PRXL2A: variants seen among roughly 807,000 people sequenced by gnomAD.
PRXL2A encodes peroxiredoxin like 2A, also known as peroxiredoxin-like 2A.
A neutral mutation model predicts 25.6 loss-of-function variants in PRXL2A; 26 were observed. The ratio of observed to expected loss-of-function variants is 1.02; its 90% confidence interval spans 0.74 to 1.41. The LOEUF is 1.41. Among genes scored for constraint, PRXL2A ranks in the 40% most tolerant of loss-of-function variants. The probability of loss-of-function intolerance (pLI) is 0.00; values close to 1 mark genes in which losing one functional copy is unlikely to be tolerated. For synonymous variants in PRXL2A, 98 were observed against 102.9 expected (o/e 0.95, Z 0.29); for missense variants, 246 against 273.9 (o/e 0.90, Z 0.72).
upstream of PRXL2A, among the ~76,000 whole-genome samples, chr10:80,408,216 G>T (rs917033466): frequency 6.6e-6 from 1 of 151,852 alleles, no homozygotes; most frequent in African/African-American, 2.4e-5. Context: ...AAACCAGGCT[G>T]AAGATTGGAA....
chr10:80,422,229 C>A (rs1844889585), intron 2 of PRXL2A, among the ~76,000 whole-genome samples, 188 bp from the exon 3 acceptor site: 1 of 152,174 alleles, frequency 6.6e-6, no homozygotes, highest in African/African-American at 2.4e-5. Flanking sequence ...GGTTAACTTT[C>A]TTCAGGAAGG....
Position 80,432,629 on chromosome 10 carries a change from T to G in PRXL2A, c.*530T>G, listed in dbSNP as rs1317360556. On this transcript the variant is annotated 3_prime_UTR_variant, in exon 6 of 6. Coordinates refer to ENST00000606162, the MANE Select transcript of PRXL2A (RefSeq NM_032333.5). ...GTATTCCAGCCTGGGTGACTGAGAC[T>G]CTAACTAAAAAAAAAAAAAAAAAAA... 9.6e-6 allele frequency: 1 copy of G among 104,550 alleles called. No homozygotes were observed. Among genetic ancestry groups the G allele is most frequent in the Admixed American group, 1.1e-4 (1 of 8,886 alleles). 6.5% of individuals were successfully genotyped at this position (104,550 alleles called of 1,614,324 possible).
intron 1 of PRXL2A, chr10:80,420,215 T>C: frequency 3.5e-6 from 4 of 1,151,240 alleles, no homozygotes; most frequent in Non-Finnish European, 4.3e-6. Context: ...AAGGCTGTCC[T>C]TTCTCTGTCA....
chr10:80,432,369 A>G lies in PRXL2A; in HGVS notation c.*270A>G, dbSNP rs1063161. 0.11 allele frequency: 37,104 copies of G among 350,254 alleles called. 2,994 individuals carry two copies. Among genetic ancestry groups the G allele is most frequent in the African/African-American group, 0.28 (13,027 of 46,076 alleles). The allele number at this position is 350,254 out of a possible 1,614,324, so 21.7% of individuals were successfully genotyped here. A position where few individuals can be genotyped will look rare whatever the true frequency, so the allele number is the denominator to read the frequency against. The stretch of plus-strand genomic sequence containing the variant: ...TAAAATTGACTGCCAGGCTGGGTGC[A>G]GTGGCTCACACCTGTAATCCCAGCA... On this transcript the variant is annotated 3_prime_UTR_variant, in exon 6 of 6. Transcript: ENST00000606162.
chr10:80,409,422 A>G (rs538100041), intron 1 of PRXL2A, among the ~76,000 whole-genome samples: 70 of 152,322 alleles, frequency 4.6e-4, no homozygotes, highest in African/African-American at 1.3e-3. Flanking sequence ...CGGGGTTCCC[A>G]GCTGCTCCTG....
At chr10:80,417,498 C>T (rs1844702700) in intron 1 of PRXL2A, among the ~76,000 whole-genome samples, 1 of 152,126 alleles carries the variant, frequency 6.6e-6, no homozygotes, top group African/African-American at 2.4e-5. Context: ...GTCTTATTTA[C>T]AGGAGAAGCA....
chr10:80,436,229 C>G lies in PRXL2A; in HGVS notation c.*4130C>G, dbSNP rs1845399289. On this transcript the variant is annotated 3_prime_UTR_variant, in exon 6 of 6. Coordinates refer to ENST00000606162, the MANE Select transcript of PRXL2A (RefSeq NM_032333.5). ...CTGGGCTCAAGTGATATCCTCCCACCTCAGCCTCCCTAGTAGCTGGGACTA... is the reference window on the plus strand; with the variant it reads ...CTGGGCTCAAGTGATATCCTCCCACGTCAGCCTCCCTAGTAGCTGGGACTA... The G allele has an allele frequency of 6.6e-6, 1 of 152,048 alleles. No homozygotes were observed. Among genetic ancestry groups the G allele is most frequent in the African/African-American group, 2.4e-5 (1 of 41,368 alleles). 9.4% of individuals were successfully genotyped at this position (152,048 alleles called of 1,614,324 possible).
At chr10:80,427,568 G>C in intron 5 of PRXL2A, 72 bp downstream of exon 5, 1 of 1,523,740 alleles carries the variant, frequency 6.6e-7, no homozygotes, top group Non-Finnish European at 9.0e-7. Context: ...ACCAGAAGCT[G>C]GAGTGGGGGT....
At chr10:80,409,990 T>G (rs1844422873) in intron 1 of PRXL2A, among the ~76,000 whole-genome samples, 1 of 152,220 alleles carries the variant, frequency 6.6e-6, no homozygotes, top group Non-Finnish European at 1.5e-5. Flanking sequence ...AGCATGTCAT[T>G]TAGTTGAGAC....
At chr10:80,415,212 A>T (rs748275729) in intron 1 of PRXL2A, among the ~76,000 whole-genome samples, 9 of 152,206 alleles carry the variant, frequency 5.9e-5, no homozygotes, top group Admixed American at 2.0e-4. Context: ...CACTCTCAGC[A>T]TGGTGCTGCA....
Position 80,435,603 on chromosome 10 carries a change from A to C in PRXL2A, c.*3504A>C, listed in dbSNP as rs902051436. On this transcript the variant is annotated 3_prime_UTR_variant, in exon 6 of 6. Coordinates refer to ENST00000606162, the MANE Select transcript of PRXL2A (RefSeq NM_032333.5). ...CAAGCTGTTCTGGCTCAGCCTACCA[A>C]GTTACTGGGCTTACAGGTGGATGCC... 1.3e-5 allele frequency: 2 copies of C among 151,890 alleles called. No homozygotes were observed. Among genetic ancestry groups the C allele is most frequent in the Admixed American group, 6.6e-5 (1 of 15,262 alleles). The allele number at this position is 151,890 out of a possible 1,614,324, so 9.4% of individuals were successfully genotyped here.
At position 80,434,427 on chromosome 10, in the gene PRXL2A, T is replaced by C. The variant is rs573752965; in HGVS notation, c.*2328T>C. 1.3e-5 allele frequency: 2 copies of C among 152,146 alleles called. No homozygotes were observed. Among genetic ancestry groups the C allele is most frequent in the Non-Finnish European group, 2.9e-5 (2 of 68,024 alleles). The allele number at this position is 152,146 out of a possible 1,614,324, so 9.4% of individuals were successfully genotyped here. ...TAAGTCACTGAGGGAATGATAAATA[T>C]TATGACACTGCTTCTCAGACTGTAA... On this transcript the variant is annotated 3_prime_UTR_variant, in exon 6 of 6. Transcript: ENST00000606162.
chr10:80,424,183 G>A (rs1844956170), intron 3 of PRXL2A, among the ~76,000 whole-genome samples: 1 of 152,066 alleles, frequency 6.6e-6, no homozygotes, highest in Non-Finnish European at 1.5e-5. Flanking sequence ...GTTATTTTGA[G>A]TGGCCCAACT....
chr10:80,420,355 C>A (rs1052906333), intron 1 of PRXL2A, 111 bp from the exon 2 acceptor site: 1 of 1,487,500 alleles, frequency 6.7e-7, no homozygotes, highest in Non-Finnish European at 8.9e-7. Flanking sequence ...CTGCTCCCTT[C>A]CCCTGTCCTG....
At chr10:80,424,569 CT>C (rs890236010) in intron 3 of PRXL2A, among the ~76,000 whole-genome samples, 2 of 128,280 alleles carry the variant, frequency 1.6e-5, no homozygotes, top group Admixed American at 8.2e-5. Context: ...CAGGGCAAGA[CT>C]CAAAAAAAAA....
intron 5 of PRXL2A, among the ~76,000 whole-genome samples, chr10:80,428,073 G>A (rs912073511): frequency 7.2e-5 from 11 of 152,196 alleles, no homozygotes; most frequent in Non-Finnish European, 1.2e-4. Context: ...AGGAGGTTGC[G>A]GGGAGACGAT....
intron 2 of PRXL2A, among the ~76,000 whole-genome samples, chr10:80,421,723 C>T (rs1232726458): frequency 6.6e-6 from 1 of 151,896 alleles, no homozygotes; most frequent in Non-Finnish European, 1.5e-5. Flanking sequence ...ATTAAGGGCT[C>T]ATATTTATTG....
rs1278568774 is a variant in PRXL2A at position 80,425,853 on chromosome 10, G to A, written c.271-13G>A. The A allele has an allele frequency of 2.5e-6, 4 of 1,614,082 alleles. No individual in the cohort carries two copies. Among genetic ancestry groups the A allele is most frequent in the Non-Finnish European group, 3.4e-6 (4 of 1,180,042 alleles). ...CTGGGACAGATGTCCCTGAACCCTTGTGTCTTCTACAGGAAGCTGCGGATC... is the reference window on the plus strand; with the variant it reads ...CTGGGACAGATGTCCCTGAACCCTTATGTCTTCTACAGGAAGCTGCGGATC... On this transcript the variant is annotated splice_polypyrimidine_tract_variant and intron_variant, in intron 3 of 5. Transcript: ENST00000606162.
chr10:80,429,615 C>T (rs1277769441), intron 5 of PRXL2A, among the ~76,000 whole-genome samples: 1 of 145,122 alleles, frequency 6.9e-6, no homozygotes, highest in African/African-American at 2.5e-5. Context: ...CTGCCCTGCC[C>T]CTAGCCTCTC....
Sources: allele counts gnomAD v4.1 joint callset (sites outside exome capture counted in the v4.1 genomes callset), GRCh38; gene constraint gnomAD v4.1.1; transcripts MANE v1.5; gene names NCBI Gene and HGNC (gene_info 2026-07-23, HGNC 2026-07-21).